ANKRD62: variants seen among roughly 807,000 people sequenced by gnomAD.
ANKRD62 encodes ankyrin repeat domain 62, also known as ankyrin repeat domain-containing protein 62.
In ANKRD62, 61 loss-of-function variants were observed where a neutral mutation model predicts 98.8. That is an observed-to-expected ratio of 0.62 (90% CI 0.50 to 0.76). ANKRD62 has a LOEUF of 0.76. ANKRD62 is among the 30% of genes least tolerant of loss of function. ANKRD62 has a pLI of 0.00. For missense variants in ANKRD62, 933 were observed against 1,082.9 expected (o/e 0.86, Z 1.94); for synonymous variants, 341 against 367.9 (o/e 0.93, Z 0.84).
At chr18:12,118,197 T>A (rs1909707056) in intron 10 of ANKRD62, among the ~76,000 whole-genome samples, 2 of 152,224 alleles carry the variant, frequency 1.3e-5, no homozygotes, top group Non-Finnish European at 2.9e-5. Context: ...AAATCCTCAG[T>A]ACTCTGCCTG....
the ANKRD62 span, among the ~76,000 whole-genome samples, chr18:12,136,261 T>C: frequency 6.6e-6 from 1 of 151,986 alleles, no homozygotes; most frequent in Non-Finnish European, 1.5e-5. Flanking sequence ...TTTCTACATA[T>C]GGCTAGCCAG....
At chr18:12,094,263 G>T (rs757088748) in intron 1 of ANKRD62, 28 bp downstream of exon 1, 407 of 1,505,504 alleles carry the variant, frequency 2.7e-4, no homozygotes, top group Admixed American at 4.7e-4. Flanking sequence ...CCGGGAGGAG[G>T]CCTGGGGATA....
At chr18:12,141,028 T>C in the ANKRD62 span, among the ~76,000 whole-genome samples, 1 of 152,226 alleles carries the variant, frequency 6.6e-6, no homozygotes. Context: ...GGCTGCTTTG[T>C]TTACCTACTC....
Position 12,127,744 on chromosome 18 carries a change from C to T in ANKRD62, c.2563-4C>T, listed in dbSNP as rs1394505489. ...AATCAGTAACAAAAATAACATCTTA[C>T]CAGGTAGTCAGGAGACAGCTTCAAC... On this transcript the variant is annotated splice_polypyrimidine_tract_variant and splice_region_variant and intron_variant, in intron 13 of 13. Transcript: ENST00000587848. The T allele has an allele frequency of 1.4e-6, 2 of 1,381,164 alleles. No homozygotes were observed. Among genetic ancestry groups the T allele is most frequent in the East Asian group, 2.7e-5 (1 of 36,402 alleles). The allele number at this position is 1,381,164 out of a possible 1,614,324, so 85.6% of individuals were successfully genotyped here. A position where few individuals can be genotyped will look rare whatever the true frequency, so the allele number is the denominator to read the frequency against.
rs1909110799 is a variant in ANKRD62 at position 12,094,091 on chromosome 18, A to G, written c.74A>G (p.Asp25Gly). ...MATWRKNRDKDGFSNPGYRVR... is the reference protein window; with the variant it reads ...MATWRKNRDKGGFSNPGYRVR... ...ACCTGGAGGAAGAATCGTGACAAGG[A>G]TGGCTTCTCAAATCCCGGGTACCGA... Residue 25 changes from aspartate (D) to glycine (G), a missense_variant, in exon 1 of 14, where the codon GAT (aspartate) becomes GGT (glycine). This residue lies in a region of ANKRD62 where 549 missense variants were observed against 587.9 expected (regional missense o/e 0.93). Coordinates refer to ENST00000587848, the MANE Select transcript of ANKRD62 (RefSeq NM_001277333.2). 1 of 1,534,808 alleles carries G rather than the reference A, an allele frequency of 6.5e-7. No homozygotes were observed. Among genetic ancestry groups the G allele is most frequent in the Non-Finnish European group, 8.7e-7 (1 of 1,146,688 alleles).
chr18:12,167,447 G>T, the ANKRD62 span, among the ~76,000 whole-genome samples: 1 of 151,896 alleles, frequency 6.6e-6, no homozygotes, highest in Non-Finnish European at 1.5e-5. Flanking sequence ...CATCCATGTC[G>T]CTACAAAGGA....
At chr18:12,113,471 C>T (rs757960734) in intron 8 of ANKRD62, among the ~76,000 whole-genome samples, 2 of 152,108 alleles carry the variant, frequency 1.3e-5, no homozygotes, top group South Asian at 4.1e-4. Flanking sequence ...ACTAAAAATA[C>T]AAAAATTAAC....
chr18:12,125,190 TA>T (rs1043750049), intron 12 of ANKRD62, among the ~76,000 whole-genome samples: 4 of 151,982 alleles, frequency 2.6e-5, no homozygotes, highest in African/African-American at 4.8e-5. Context: ...AGCCTTCTTT[TA>T]AAAAAAATTA....
intron 7 of ANKRD62, among the ~76,000 whole-genome samples, chr18:12,107,019 G>C (rs1909428093): frequency 6.6e-6 from 1 of 152,042 alleles, no homozygotes. Context: ...ATGTATATTA[G>C]ACAGCAATGG....
downstream of ANKRD62, chr18:12,129,780 T>C (rs1598739962): frequency 6.7e-6 from 1 of 149,002 alleles, no homozygotes; most frequent in South Asian, 2.1e-4. Flanking sequence ...AAGTAATAGG[T>C]CGATTTGTCC....
chr18:12,172,136 C>T, the ANKRD62 span, among the ~76,000 whole-genome samples: 1 of 152,178 alleles, frequency 6.6e-6, no homozygotes, highest in Non-Finnish European at 1.5e-5. Flanking sequence ...GCCTTCTTCT[C>T]TCAACTCGTC....
chr18:12,137,583 C>T, the ANKRD62 span, among the ~76,000 whole-genome samples: 1 of 152,178 alleles, frequency 6.6e-6, no homozygotes, highest in South Asian at 2.1e-4. Context: ...AGGGAGGATT[C>T]CCTCTTTTTC....
the ANKRD62 span, among the ~76,000 whole-genome samples, chr18:12,135,258 G>C: frequency 7.5e-6 from 1 of 133,044 alleles, no homozygotes; most frequent in Non-Finnish European, 1.5e-5. Context: ...TGTTCTCATT[G>C]TTCAATTCCC....
chr18:12,145,759 G>A, the ANKRD62 span, among the ~76,000 whole-genome samples: 1 of 151,590 alleles, frequency 6.6e-6, no homozygotes, highest in Admixed American at 6.6e-5. Context: ...CCTTCAGAGT[G>A]TGCAGACCAA....
intron 5 of ANKRD62, 43 bp downstream of exon 5, chr18:12,097,820 A>T: frequency 6.5e-7 from 1 of 1,527,510 alleles, no homozygotes. Flanking sequence ...TGAGGTTTAA[A>T]GTCATTGTAA....
chr18:12,102,586 A>T (rs993783462), intron 6 of ANKRD62: 1 of 405,582 alleles, frequency 2.5e-6, no homozygotes, highest in Non-Finnish European at 3.9e-6. Context: ...TGAAACCTGT[A>T]TTATATAAAA....
chr18:12,109,425 T>C (rs958224129), intron 8 of ANKRD62, among the ~76,000 whole-genome samples: 1 of 152,202 alleles, frequency 6.6e-6, no homozygotes, highest in Admixed American at 6.5e-5. Flanking sequence ...CAGGGTGCCA[T>C]GTCCCGGGTC....
At chr18:12,111,817 C>T (rs1438667691) in intron 8 of ANKRD62, among the ~76,000 whole-genome samples, 1 of 151,988 alleles carries the variant, frequency 6.6e-6, no homozygotes, top group Non-Finnish European at 1.5e-5. Flanking sequence ...ACCAAAACAA[C>T]AACAACATAA....
At chr18:12,138,549 A>G in the ANKRD62 span, among the ~76,000 whole-genome samples, 1 of 152,166 alleles carries the variant, frequency 6.6e-6, no homozygotes, top group African/African-American at 2.4e-5. Context: ...AGTTCTGTAG[A>G]TGTCTATTAG....
Sources: allele counts gnomAD v4.1 joint callset (sites outside exome capture counted in the v4.1 genomes callset), GRCh38; gene constraint gnomAD v4.1.1; regional missense constraint gnomAD v4.1.1; transcripts MANE v1.5; gene names NCBI Gene and HGNC (gene_info 2026-07-23, HGNC 2026-07-21).